FAM220A: variants seen among roughly 807,000 people sequenced by gnomAD.
The protein encoded by FAM220A is protein FAM220A.
For synonymous variants in FAM220A, 141 were observed against 130.7 expected, an observed-to-expected ratio of 1.08 and a Z score of -0.54; for missense variants, 392 against 321.6, an observed-to-expected ratio of 1.22 and a Z score of -1.68.
chr7:6,332,509 G>A (rs1403376935), intron 1 of FAM220A, among the ~76,000 whole-genome samples: 2 of 152,044 alleles, frequency 1.3e-5, no homozygotes, highest in Non-Finnish European at 2.9e-5. Flanking sequence ...CACATGATGT[G>A]TTCACTTAAA....
intron 1 of FAM220A, among the ~76,000 whole-genome samples, chr7:6,340,965 T>TA (rs149288000): frequency 0.018 from 1,614 of 87,400 alleles, 52 homozygotes; most frequent in African/African-American, 0.047. Context: ...CTGTCTCTAC[T>TA]AAAAAAAAAA....
rs758786226 is a variant in FAM220A at position 6,330,580 on chromosome 7, A to G, written c.575T>C (p.Leu192Pro). ...GGGATACACGTGCAGCGTTGCAGAC[A>G]GGATGGAGTGCAGGCAAGCGGGTTC... ...ELEPACLHSI[L>P]SATLHVYPEV... is the part of the protein sequence containing the mutation. The change falls in exon 2 of 2, where the codon CTG becomes CCG. Residue 192 changes from leucine (L) to proline (P), a missense_variant. Transcript: ENST00000313324. 14 of 1,614,066 alleles carry G rather than the reference A, an allele frequency of 8.7e-6. No individual in the cohort carries two copies. Among genetic ancestry groups the G allele is most frequent in the Non-Finnish European group, 1.2e-5 (14 of 1,180,024 alleles).
Position 6,348,933 on chromosome 7 carries a change from G to T in FAM220A, c.-442C>A, listed in dbSNP as rs893990213. The stretch of plus-strand genomic sequence containing the variant: ...GTCACGCTCGGAGAAGTGCCTCCGC[G>T]AGCAGCCGCCTGTACCAGCCTGGCC... On this transcript the variant is annotated 5_prime_UTR_variant, in exon 1 of 2. Transcript: ENST00000313324. 1.0e-5 allele frequency: 4 copies of T among 382,932 alleles called. No individual in the cohort carries two copies. The highest frequency in any genetic ancestry group is 6.3e-5 in the African/African-American group (3 of 47,804). 23.7% of individuals were successfully genotyped at this position (382,932 alleles called of 1,614,324 possible).
intron 1 of FAM220A, among the ~76,000 whole-genome samples, chr7:6,343,397 CATAT>C (rs10529573): frequency 0.085 from 7,154 of 84,020 alleles, 356 homozygotes; most frequent in Non-Finnish European, 0.096. Flanking sequence ...ATAATAATTT[CATAT>C]ATATATATAT....
intron 1 of FAM220A, among the ~76,000 whole-genome samples, chr7:6,339,523 G>A (rs1184102023): frequency 4.6e-5 from 7 of 151,000 alleles, no homozygotes; most frequent in Admixed American, 2.0e-4. Flanking sequence ...TCGCTCTGTC[G>A]CCCAGGCTGG....
At chr7:6,347,465 G>A (rs2115153650) in intron 1 of FAM220A, among the ~76,000 whole-genome samples, 1 of 151,938 alleles carries the variant, frequency 6.6e-6, no homozygotes, top group East Asian at 1.9e-4. Flanking sequence ...GCAGTGAGCT[G>A]AGATGGCGCC....
At chr7:6,339,259 G>T (rs888453506) in intron 1 of FAM220A, among the ~76,000 whole-genome samples, 21 of 152,080 alleles carry the variant, frequency 1.4e-4, no homozygotes, top group African/African-American at 5.1e-4. Context: ...CTTGAGCCTA[G>T]GAGCCGGAGA....
intron 1 of FAM220A, among the ~76,000 whole-genome samples, chr7:6,338,967 G>A (rs977696333): frequency 6.6e-6 from 1 of 152,164 alleles, no homozygotes; most frequent in Non-Finnish European, 1.5e-5. Context: ...CACCCCTCAG[G>A]TGTGAACGCT....
Position 6,330,508 on chromosome 7 carries a change from A to T in FAM220A, c.647T>A (p.Leu216Ter). 6 of 1,614,206 alleles carry T rather than the reference A, an allele frequency of 3.7e-6. No individual in the cohort carries two copies. The highest frequency in any genetic ancestry group is 2.5e-6 in the Non-Finnish European group (3 of 1,180,044). Reference sequence around the variant, plus strand: ...TGTTTGCTTTGAAAACATGGGCTTTAAACGGTCAAGGAAAATGCGTTTTGT... The same window carrying T: ...TGTTTGCTTTGAAAACATGGGCTTTTAACGGTCAAGGAAAATGCGTTTTGT... ...EETKRIFLDR[L>*]KPMFSKQTIE... Residue 216 changes from leucine (L) to a stop codon, truncating the protein, a stop_gained, in exon 2 of 2, where the codon TTA becomes TAA. Transcript: ENST00000313324. LOFTEE classifies it low-confidence loss of function (END_TRUNC).
intron 1 of FAM220A, among the ~76,000 whole-genome samples, chr7:6,334,261 C>T (rs551327422): frequency 9.9e-5 from 15 of 151,100 alleles, no homozygotes; most frequent in African/African-American, 2.9e-4. Flanking sequence ...ACTGGCTGGG[C>T]GCAGTGGCTC....
intron 1 of FAM220A, among the ~76,000 whole-genome samples, chr7:6,335,065 C>A (rs1781717321): frequency 6.6e-6 from 1 of 151,614 alleles, no homozygotes; most frequent in African/African-American, 2.4e-5. Flanking sequence ...CCGCACCCAG[C>A]CAGTGGTTAT....
intron 1 of FAM220A, among the ~76,000 whole-genome samples, chr7:6,332,610 A>T (rs1184404186): frequency 6.6e-6 from 1 of 151,812 alleles, no homozygotes; most frequent in Non-Finnish European, 1.5e-5. Context: ...ATGTGGGAGG[A>T]TTGCTTGAGC....
At chr7:6,340,971 A>AAC (rs1781842256) in intron 1 of FAM220A, among the ~76,000 whole-genome samples, 1 of 144,946 alleles carries the variant, frequency 6.9e-6, no homozygotes, top group Non-Finnish European at 1.5e-5. Flanking sequence ...CTACTAAAAA[A>AAC]AAAAAAAAAA....
rs745374493 is a variant in FAM220A at position 6,330,598 on chromosome 7, G to T, written c.557C>A (p.Ala186Asp). 19 of 1,614,184 alleles carry T rather than the reference G, an allele frequency of 1.2e-5. No individual in the cohort carries two copies. In the South Asian group the frequency reaches 1.4e-4, roughly 12 times the overall value. ...PKGLGSELEP[A>D]CLHSILSATL... The stretch of plus-strand genomic sequence containing the variant: ...TGCAGACAGGATGGAGTGCAGGCAA[G>T]CGGGTTCCAACTCAGAGCCCAGACC... Residue 186 changes from alanine (A) to aspartate (D), a missense_variant, in exon 2 of 2, where the codon GCT becomes GAT. By Grantham distance (126) the Ala-to-Asp change is moderately radical (BLOSUM62 -2). Transcript: ENST00000313324.
chr7:6,337,214 G>A (rs748902045), intron 1 of FAM220A, among the ~76,000 whole-genome samples: 5 of 152,096 alleles, frequency 3.3e-5, no homozygotes, highest in African/African-American at 1.2e-4. Flanking sequence ...TGAGACTACA[G>A]GTGTATGCCA....
chr7:6,333,660 G>A (rs1350284448), intron 1 of FAM220A, among the ~76,000 whole-genome samples: 2 of 146,090 alleles, frequency 1.4e-5, no homozygotes, highest in Non-Finnish European at 3.0e-5. Context: ...CACCACACCT[G>A]GCAAATTTTT....
At chr7:6,343,550 C>T (rs1781904208) in intron 1 of FAM220A, among the ~76,000 whole-genome samples, 2 of 151,002 alleles carry the variant, frequency 1.3e-5, no homozygotes, top group South Asian at 4.2e-4. Context: ...CATTTTTAAT[C>T]TTGCTTTTAC....
Position 6,348,787 on chromosome 7 carries a change from C to G in FAM220A, c.-296G>C, listed in dbSNP as rs528826824. On this transcript the variant is annotated 5_prime_UTR_variant, in exon 1 of 2. Transcript: ENST00000313324. ...GAGACCGGCGCTCCCACAGCCCCCC[C>G]GCCCGCCCTCTCCGCGCCGCGTCGC... 2.6e-4 allele frequency: 104 copies of G among 397,362 alleles called. 3 individuals are homozygous for G. In the South Asian group the frequency reaches 0.011, roughly 43 times the overall value. 24.6% of individuals were successfully genotyped at this position (397,362 alleles called of 1,614,324 possible). A position where few individuals can be genotyped will look rare whatever the true frequency, so the allele number is the denominator to read the frequency against.
chr7:6,343,071 G>C (rs1210237088), intron 1 of FAM220A, among the ~76,000 whole-genome samples: 1 of 149,308 alleles, frequency 6.7e-6, no homozygotes. Flanking sequence ...AAAGAAAGAG[G>C]AAGAGAAAAG....
Sources: gnomAD v4.1 joint callset for allele counts (sites outside exome capture counted in the v4.1 genomes callset) on GRCh38, gnomAD v4.1.1 for gene constraint, MANE v1.5 for transcripts, NCBI Gene and HGNC (gene_info 2026-07-23, HGNC 2026-07-21) for gene names.